The following FHOD3 variants were observed in gnomAD, a reference collection of about 807,000 sequenced individuals.
FHOD3 encodes formin homology 2 domain containing 3.
A neutral mutation model predicts 173.0 loss-of-function variants in FHOD3; 90 were observed. The ratio of observed to expected loss-of-function variants is 0.52; its 90% CI spans 0.44 to 0.62. The LOEUF (loss-of-function observed/expected upper bound fraction) is 0.62, where lower values mean the gene tolerates loss of function less well. Among genes scored for constraint, FHOD3 ranks in the 20% least tolerant of loss-of-function variants. The pLI is 0.00. For synonymous variants in FHOD3, 828 were observed against 823.0 expected, an observed-to-expected ratio of 1.01 and a Z score of -0.10; for missense variants, 1,945 against 2,034.7, an observed-to-expected ratio of 0.96 and a Z score of 0.85.
intron 3 of FHOD3, among the ~76,000 whole-genome samples, chr18:36,482,847 T>A (rs2137731): frequency 0.62 from 70,929 of 114,228 alleles, 18,458 homozygotes; most frequent in East Asian, 0.86. Flanking sequence ...ACACACACAC[T>A]CACACACACA....
chr18:36,697,877 T>A (rs1349897610), intron 17 of FHOD3, among the ~76,000 whole-genome samples: 3 of 152,388 alleles, frequency 2.0e-5, no homozygotes, highest in Admixed American at 2.0e-4. Context: ...GTCATCATTG[T>A]TAGCGTTGAC....
chr18:36,756,568 T>TC (rs2150219791), intron 25 of FHOD3, among the ~76,000 whole-genome samples: 1 of 152,234 alleles, frequency 6.6e-6, no homozygotes, highest in East Asian at 1.9e-4. Context: ...CAGACATGTG[T>TC]GTATGTAGTC....
At chr18:36,654,346 C>T (rs953611244) in intron 13 of FHOD3, among the ~76,000 whole-genome samples, 1 of 152,204 alleles carries the variant, frequency 6.6e-6, no homozygotes, top group African/African-American at 2.4e-5. Flanking sequence ...TTTTTGCTTA[C>T]TATATCTGAA....
At chr18:36,756,531 G>A (rs972673642) in intron 25 of FHOD3, among the ~76,000 whole-genome samples, 3 of 152,140 alleles carry the variant, frequency 2.0e-5, no homozygotes, top group African/African-American at 7.2e-5. Context: ...CAATTAGGAA[G>A]ACCTCACTGA....
intron 1 of FHOD3, among the ~76,000 whole-genome samples, chr18:36,353,271 C>G (rs984201708): frequency 6.6e-6 from 1 of 152,156 alleles, no homozygotes; most frequent in Non-Finnish European, 1.5e-5. Context: ...AGGATTAACC[C>G]CTTCAAATGA....
At chr18:36,604,557 T>G (rs1278880269) in intron 8 of FHOD3, among the ~76,000 whole-genome samples, 1 of 152,104 alleles carries the variant, frequency 6.6e-6, no homozygotes, top group Non-Finnish European at 1.5e-5. Context: ...TGGAGAGGTG[T>G]TGTTAAATGG....
intron 8 of FHOD3, among the ~76,000 whole-genome samples, chr18:36,608,996 C>T (rs2032378366): frequency 6.6e-6 from 1 of 152,216 alleles, no homozygotes; most frequent in African/African-American, 2.4e-5. Context: ...ATGGTTTTAT[C>T]CTACAAGAAA....
chr18:36,333,430 G>C (rs1195889582), intron 1 of FHOD3, among the ~76,000 whole-genome samples: 1 of 152,166 alleles, frequency 6.6e-6, no homozygotes, highest in Non-Finnish European at 1.5e-5. Context: ...CACTTAATTT[G>C]GTGGAAAGGA....
intron 3 of FHOD3, among the ~76,000 whole-genome samples, chr18:36,418,750 A>G (rs1452742611): frequency 6.6e-6 from 1 of 152,010 alleles, no homozygotes; most frequent in African/African-American, 2.4e-5. Flanking sequence ...CCTGTCTCTA[A>G]TAAAAATACA....
At chr18:36,682,915 T>C (rs578258437) in intron 15 of FHOD3, among the ~76,000 whole-genome samples, 1 of 152,344 alleles carries the variant, frequency 6.6e-6, no homozygotes, top group Non-Finnish European at 1.5e-5. Context: ...GAAGTATATG[T>C]GTAATTGTAA....
intron 1 of FHOD3, among the ~76,000 whole-genome samples, chr18:36,328,384 G>A (rs2044788788): frequency 6.6e-6 from 1 of 152,190 alleles, no homozygotes; most frequent in South Asian, 2.1e-4. Context: ...GCAAGTGCAA[G>A]GGTCCTGAGA....
chr18:36,308,660 G>A (rs2092167807), intron 1 of FHOD3, among the ~76,000 whole-genome samples: 1 of 152,154 alleles, frequency 6.6e-6, no homozygotes, highest in African/African-American at 2.4e-5. Context: ...TTCATCCTGT[G>A]GCTGCGTCCC....
At chr18:36,390,529 C>T (rs558809594) in intron 3 of FHOD3, among the ~76,000 whole-genome samples, 2 of 152,262 alleles carry the variant, frequency 1.3e-5, no homozygotes, top group African/African-American at 4.8e-5. Flanking sequence ...CTGAGCTCTG[C>T]TGGTTTTGAT....
At chr18:36,487,688 GT>G (rs1224501050) in intron 3 of FHOD3, among the ~76,000 whole-genome samples, 2 of 152,202 alleles carry the variant, frequency 1.3e-5, no homozygotes, top group African/African-American at 4.8e-5. Context: ...TCTTAGTGAG[GT>G]TCTCAAATGT....
At chr18:36,321,849 C>T (rs2044410519) in intron 1 of FHOD3, among the ~76,000 whole-genome samples, 2 of 152,366 alleles carry the variant, frequency 1.3e-5, no homozygotes, top group Non-Finnish European at 2.9e-5. Context: ...CCTGCATTCA[C>T]TCTGCCGAGT....
intron 28 of FHOD3, among the ~76,000 whole-genome samples, chr18:36,773,404 T>C (rs924344628): frequency 6.6e-6 from 1 of 152,224 alleles, no homozygotes; most frequent in Non-Finnish European, 1.5e-5. Flanking sequence ...GGAGGTGCCA[T>C]GCACCTGACC....
At chr18:36,623,624 C>G (rs535643038) in intron 9 of FHOD3, among the ~76,000 whole-genome samples, 1 of 152,292 alleles carries the variant, frequency 6.6e-6, no homozygotes, top group Admixed American at 6.5e-5. Context: ...AAAGATAGAG[C>G]TTTTATCAAT....
chr18:36,688,919 TCTC>T (rs2038793198), intron 16 of FHOD3, among the ~76,000 whole-genome samples: 1 of 152,164 alleles, frequency 6.6e-6, no homozygotes, highest in African/African-American at 2.4e-5. Flanking sequence ...GGTTGCTGCT[TCTC>T]CTCTCTCCTC....
chr18:36,317,272 G>T (rs1399117786), intron 1 of FHOD3, among the ~76,000 whole-genome samples: 1 of 151,906 alleles, frequency 6.6e-6, no homozygotes, highest in Non-Finnish European at 1.5e-5. Flanking sequence ...TGGTATTTCT[G>T]GTTCTAGATC....
Sources: gnomAD v4.1 joint callset for allele counts (sites outside exome capture counted in the v4.1 genomes callset) on GRCh38, gnomAD v4.1.1 for gene constraint, MANE v1.5 for transcripts, NCBI Gene and HGNC (gene_info 2026-07-23, HGNC 2026-07-21) for gene names.